The following CSMD1 variants were observed in gnomAD, a reference collection of about 807,000 sequenced individuals.
CSMD1 encodes CUB and sushi domain-containing protein 1.
In CSMD1, 213 loss-of-function variants were observed where a neutral mutation model predicts 417.5. The ratio of observed to expected loss-of-function variants is 0.51; its 90% CI spans 0.46 to 0.57. The LOEUF is 0.57. Ranked by LOEUF, CSMD1 falls within the 20% of genes least tolerant of loss-of-function variation. The pLI is 0.00. For synonymous variants in CSMD1, 2,862 were observed against 1,736.8 expected (o/e 1.65, Z -16.11); for missense variants, 6,923 against 4,529.7 (o/e 1.53, Z -15.17).
intron 3 of CSMD1, among the ~76,000 whole-genome samples, chr8:4,046,119 T>A (rs1337831476): frequency 3.9e-5 from 6 of 152,142 alleles, no homozygotes; most frequent in African/African-American, 1.4e-4. Context: ...CTATAGCTCA[T>A]ATATATCTGA....
chr8:4,004,084 C>A (rs1273930425), intron 4 of CSMD1, among the ~76,000 whole-genome samples: 1 of 152,002 alleles, frequency 6.6e-6, no homozygotes, highest in Non-Finnish European at 1.5e-5. Context: ...TGTGAAAAAG[C>A]AGAACAAATT....
At chr8:3,552,712 C>T (rs771906053) in intron 10 of CSMD1, among the ~76,000 whole-genome samples, 12 of 152,052 alleles carry the variant, frequency 7.9e-5, no homozygotes, top group Non-Finnish European at 7.4e-5. Context: ...TTTTAGACTA[C>T]GAAATTATCT....
intron 1 of CSMD1, among the ~76,000 whole-genome samples, chr8:4,914,093 C>A (rs890287599): frequency 2.0e-5 from 3 of 152,124 alleles, no homozygotes; most frequent in Admixed American, 2.0e-4. Context: ...GAAGATTTTA[C>A]ATTTATGGAT....
At chr8:3,861,290 T>C (rs1804690150) in intron 5 of CSMD1, among the ~76,000 whole-genome samples, 1 of 152,200 alleles carries the variant, frequency 6.6e-6, no homozygotes, top group Non-Finnish European at 1.5e-5. Context: ...CATTAAACCT[T>C]CCTTTGTCCT....
intron 1 of CSMD1, among the ~76,000 whole-genome samples, chr8:4,680,760 A>G (rs754857786): frequency 6.6e-6 from 1 of 151,978 alleles, no homozygotes; most frequent in African/African-American, 2.4e-5. Flanking sequence ...TTGTATTTTT[A>G]GTAGAGACGA....
At position 3,750,517 on chromosome 8, in the gene CSMD1, G is replaced by C. The variant is rs548959499; in HGVS notation, c.931+3413C>G. Among the ~76,000 whole-genome samples, 183 of 150,550 alleles carry C rather than the reference G, an allele frequency of 1.2e-3. 1 individual carries two copies. The highest frequency in any genetic ancestry group is 4.2e-3 in the African/African-American group (172 of 40,998). On this transcript the variant is annotated intron_variant, in intron 6 of 69. Coordinates refer to ENST00000635120, the MANE Select transcript of CSMD1 (RefSeq NM_033225.6). ...ATCGACTATGCTTTTTTTTTGTTTC[G>C]CAATTTTTGTTGGCACAAATAATAT...
chr8:4,113,377 G>A (rs1438904913), intron 3 of CSMD1, among the ~76,000 whole-genome samples: 3 of 136,144 alleles, frequency 2.2e-5, no homozygotes, highest in Non-Finnish European at 4.7e-5. Context: ...GTTCTTCAAG[G>A]AAAATAAAAG....
chr8:4,079,376 G>C (rs1162488956), intron 3 of CSMD1, among the ~76,000 whole-genome samples: 1 of 152,102 alleles, frequency 6.6e-6, no homozygotes, highest in Non-Finnish European at 1.5e-5. Context: ...TCTGTAATCA[G>C]GCATTCTATT....
intron 1 of CSMD1, among the ~76,000 whole-genome samples, chr8:4,847,204 A>G (rs528483368): frequency 2.0e-4 from 31 of 152,330 alleles, no homozygotes; most frequent in South Asian, 1.0e-3. Context: ...GTCTCTCACT[A>G]TATGAAATTA....
At chr8:4,308,366 G>A (rs973666264) in intron 3 of CSMD1, among the ~76,000 whole-genome samples, 1 of 152,034 alleles carries the variant, frequency 6.6e-6, no homozygotes, top group African/African-American at 2.4e-5. Context: ...TGTGTGTAGT[G>A]TGTGTTCTGT....
At chr8:4,230,070 T>C (rs1801619768) in intron 3 of CSMD1, among the ~76,000 whole-genome samples, 1 of 152,200 alleles carries the variant, frequency 6.6e-6, no homozygotes, top group Non-Finnish European at 1.5e-5. Context: ...CACTCAGGTG[T>C]GTATACAAGC....
intron 28 of CSMD1, among the ~76,000 whole-genome samples, chr8:3,222,058 T>C (rs1381154315): frequency 6.6e-6 from 1 of 152,130 alleles, no homozygotes; most frequent in African/African-American, 2.4e-5. Context: ...AGATGTCTGC[T>C]TGAGCACATG....
intron 2 of CSMD1, among the ~76,000 whole-genome samples, chr8:4,611,138 G>A (rs887547554): frequency 6.6e-6 from 1 of 152,020 alleles, no homozygotes; most frequent in South Asian, 2.1e-4. Flanking sequence ...TTACTGTTTA[G>A]TAATATGTTC....
At chr8:3,701,007 A>G (rs2129036932) in intron 7 of CSMD1, among the ~76,000 whole-genome samples, 1 of 151,780 alleles carries the variant, frequency 6.6e-6, no homozygotes, top group Admixed American at 6.6e-5. Context: ...TTTGGGGGTA[A>G]CGAGAAAGGC....
At chr8:4,292,120 C>T (rs1797403660) in intron 3 of CSMD1, among the ~76,000 whole-genome samples, 1 of 152,122 alleles carries the variant, frequency 6.6e-6, no homozygotes. Context: ...AGACCCTGGC[C>T]ATACCAACAA....
At chr8:4,466,676 G>A (rs1800189706) in intron 2 of CSMD1, among the ~76,000 whole-genome samples, 1 of 151,990 alleles carries the variant, frequency 6.6e-6, no homozygotes, top group South Asian at 2.1e-4. Flanking sequence ...CTCTGAGTTG[G>A]GATATGTTCT....
At chr8:4,688,863 A>AT (rs1166772794) in intron 1 of CSMD1, among the ~76,000 whole-genome samples, 4 of 152,218 alleles carry the variant, frequency 2.6e-5, no homozygotes, top group Non-Finnish European at 5.9e-5. Flanking sequence ...GGAAATGAAG[A>AT]TTGACATAAA....
chr8:4,211,246 G>T (rs540335090), intron 3 of CSMD1, among the ~76,000 whole-genome samples: 2 of 151,812 alleles, frequency 1.3e-5, no homozygotes, highest in Admixed American at 1.3e-4. Flanking sequence ...CTCAGATAGG[G>T]GGAAAAGAAA....
chr8:4,519,698 G>A (rs954598107), intron 2 of CSMD1, among the ~76,000 whole-genome samples: 1 of 120,168 alleles, frequency 8.3e-6, no homozygotes, highest in Non-Finnish European at 1.6e-5. Flanking sequence ...AGCTGCGATT[G>A]TACTACTGCA....
Sources: gnomAD v4.1 joint callset for allele counts (sites outside exome capture counted in the v4.1 genomes callset) on GRCh38, gnomAD v4.1.1 for gene constraint, MANE v1.5 for transcripts, NCBI Gene and HGNC (gene_info 2026-07-23, HGNC 2026-07-21) for gene names.